Variants in RUFY2 observed in about 807,000 individuals in gnomAD.
RUFY2 encodes RUN and FYVE domain-containing protein 2.
Under a neutral mutation model 94.4 loss-of-function variants are expected in RUFY2, and 49 were observed. The observed-to-expected ratio is 0.52, with a 90% confidence interval of 0.41 to 0.66. The LOEUF (loss-of-function observed/expected upper bound fraction) is 0.66, where lower values mean the gene tolerates loss of function less well. Ranked by LOEUF, RUFY2 falls within the 30% of genes least tolerant of loss-of-function variation. RUFY2 has a pLI of 0.00. For missense variants in RUFY2, 541 were observed against 692.8 expected (o/e 0.78, Z 2.46); for synonymous variants, 255 against 235.7 (o/e 1.08, Z -0.75).
intron 15 of RUFY2, among the ~76,000 whole-genome samples, chr10:68,356,335 A>G (rs2047054036): frequency 1.3e-5 from 2 of 151,824 alleles, no homozygotes; most frequent in Non-Finnish European, 2.9e-5. Context: ...GTGAAACCCC[A>G]TCTCTACTAA....
chr10:68,393,058 A>G lies in RUFY2; in HGVS notation c.650+80T>C, dbSNP rs1207773585. 7.9e-6 allele frequency: 5 copies of G among 631,410 alleles called. No individual in the cohort carries two copies. In the Admixed American group the frequency reaches 1.8e-4, roughly 22 times the overall value. The allele number at this position is 631,410 out of a possible 1,614,324, so 39.1% of individuals were successfully genotyped here. A position where few individuals can be genotyped will look rare whatever the true frequency, so the allele number is the denominator to read the frequency against. ...CCCTTCTCAAAGACTCTTAGAAGAAAGGAATACGGTAAGCTGAAGGGAAAA... is the reference window on the plus strand; with the variant it reads ...CCCTTCTCAAAGACTCTTAGAAGAAGGGAATACGGTAAGCTGAAGGGAAAA... On this transcript the variant is annotated intron_variant, in intron 7 of 17. Coordinates refer to ENST00000602465, the MANE Select transcript of RUFY2 (RefSeq NM_001330103.2).
At chr10:68,389,794 C>CA (rs138643775) in intron 7 of RUFY2, among the ~76,000 whole-genome samples, 5,483 of 142,010 alleles carry the variant, frequency 0.039, 302 homozygotes, top group African/African-American at 0.13. Context: ...GCTCTCGTCT[C>CA]AAAAAAAAAA....
At chr10:68,387,864 G>A (rs1312391149) in intron 7 of RUFY2, among the ~76,000 whole-genome samples, 2 of 152,034 alleles carry the variant, frequency 1.3e-5, no homozygotes, top group South Asian at 2.1e-4. Context: ...TTAGCTGGGC[G>A]TGGTGGCACA....
At chr10:68,391,203 TG>T (rs1363153473) in intron 7 of RUFY2, among the ~76,000 whole-genome samples, 3 of 152,164 alleles carry the variant, frequency 2.0e-5, no homozygotes, top group African/African-American at 7.2e-5. Context: ...CCCAAAGTGC[TG>T]GGATTACAGG....
At chr10:68,393,458 T>C (rs2050151106) in intron 6 of RUFY2, among the ~76,000 whole-genome samples, 1 of 152,154 alleles carries the variant, frequency 6.6e-6, no homozygotes, top group Non-Finnish European at 1.5e-5. Context: ...CCGGGCACAG[T>C]GGCTCATTCC....
At chr10:68,384,304 G>C in intron 8 of RUFY2, 152 bp from the exon 9 acceptor site, 1 of 1,008,920 alleles carries the variant, frequency 9.9e-7, no homozygotes, top group Non-Finnish European at 1.4e-6. Flanking sequence ...AGGAAAACAC[G>C]CTCGTTATTA....
At chr10:68,403,684 A>G (rs2051039874) in intron 2 of RUFY2, among the ~76,000 whole-genome samples, 1 of 152,238 alleles carries the variant, frequency 6.6e-6, no homozygotes, top group African/African-American at 2.4e-5. Context: ...AGAAAAAGAA[A>G]TGAGTATGCT....
chr10:68,348,700 C>A (rs980930138), intron 16 of RUFY2, among the ~76,000 whole-genome samples: 1 of 152,072 alleles, frequency 6.6e-6, no homozygotes, highest in Non-Finnish European at 1.5e-5. Flanking sequence ...TTGGAGACTT[C>A]TTTTCATTGA....
At chr10:68,400,382 G>A (rs546951867) in intron 3 of RUFY2, among the ~76,000 whole-genome samples, 1 of 151,944 alleles carries the variant, frequency 6.6e-6, no homozygotes, top group African/African-American at 2.4e-5. Flanking sequence ...ACACTCTAAA[G>A]AATATAAGAA....
At chr10:68,347,444 C>T (rs2046366042) in intron 16 of RUFY2, among the ~76,000 whole-genome samples, 1 of 151,878 alleles carries the variant, frequency 6.6e-6, no homozygotes, top group African/African-American at 2.4e-5. Flanking sequence ...CCACCATGCC[C>T]GGCTAATTTT....
At chr10:68,349,499 C>T (rs114528871) in intron 16 of RUFY2, among the ~76,000 whole-genome samples, 2,942 of 151,794 alleles carry the variant, frequency 0.019, 99 homozygotes, top group African/African-American at 0.068. Context: ...CTGGCCTGGA[C>T]AACAGAGACA....
At chr10:68,396,982 A>G (rs973248724) in intron 3 of RUFY2, 101 bp from the exon 4 acceptor site, 3 of 736,864 alleles carry the variant, frequency 4.1e-6, no homozygotes, top group African/African-American at 1.8e-5. Flanking sequence ...GCATTTTTAT[A>G]ATGGTTTTGT....
At chr10:68,355,330 CT>C (rs1425519374) in intron 16 of RUFY2, 22 bp downstream of exon 16, 2 of 1,584,256 alleles carry the variant, frequency 1.3e-6, no homozygotes, top group Admixed American at 1.7e-5. Context: ...TACCTTCCCA[CT>C]TTAGGAAAAC....
rs112285953 is a variant in RUFY2 at position 68,368,014 on chromosome 10, G to A, written c.1326-3901C>T. ...GGAGTCTCGCTCTGTCGCCCAGGCTGGAGTGAAGTGGCGTGACCTCAGCGC... is the reference window on the plus strand; with the variant it reads ...GGAGTCTCGCTCTGTCGCCCAGGCTAGAGTGAAGTGGCGTGACCTCAGCGC... On this transcript the variant is annotated intron_variant, in intron 13 of 17. Transcript: ENST00000602465. Among the ~76,000 whole-genome samples, 1,198 of 149,526 alleles carry A rather than the reference G, an allele frequency of 8.0e-3. 12 individuals are homozygous for A. Among genetic ancestry groups the A allele is most frequent in the African/African-American group, 0.028 (1,142 of 40,670 alleles).
Position 68,396,815 on chromosome 10 carries a change from G to A in RUFY2, c.363C>T (p.Tyr121=). 1 of 1,613,870 alleles carries A rather than the reference G, an allele frequency of 6.2e-7. No homozygotes were observed. The highest frequency in any genetic ancestry group is 8.5e-7 in the Non-Finnish European group (1 of 1,179,796). The change falls in exon 4 of 18, where the codon TAC becomes TAT. Residue 121 remains tyrosine (Y), a synonymous_variant. Transcript: ENST00000602465. ...CCCTCTGAATAATTAAGCAACGTAAGTAATCGGCCATTTTTTTTTGCATGA... is the reference window on the plus strand; with the variant it reads ...CCCTCTGAATAATTAAGCAACGTAAATAATCGGCCATTTTTTTTTGCATGA... ...LALMQKKMAD[Y]LRCLIIQRDL...
At chr10:68,347,223 G>A (rs1413301331) in intron 16 of RUFY2, among the ~76,000 whole-genome samples, 3 of 149,240 alleles carry the variant, frequency 2.0e-5, no homozygotes, top group African/African-American at 4.9e-5. Context: ...CTATGTAAAC[G>A]TTAGTAAAAA....
At position 68,345,815 on chromosome 10, in the gene RUFY2, A is replaced by G; in HGVS notation, c.1774T>C (p.Ser592Pro). ...SSPKPVRVCD[S>P]CHALLIQRCS... The stretch of plus-strand genomic sequence containing the variant: ...CTCTGAATGAGCAGTGCATGACAGG[A>G]ATCACAAACCCGTACTGGTTTTGGT... The change falls in exon 18 of 18, where the codon TCC becomes CCC. Residue 592 changes from serine to proline, a missense_variant. By Grantham distance (74) the Ser-to-Pro change is moderately conservative. This residue lies in a region of RUFY2 where 403 missense variants were observed against 480.7 expected (regional missense o/e 0.84). Transcript: ENST00000602465. The G allele has an allele frequency of 6.2e-7, 1 of 1,613,966 alleles. No individual in the cohort carries two copies. The highest frequency in any genetic ancestry group is 8.5e-7 in the Non-Finnish European group (1 of 1,179,848).
At chr10:68,368,944 C>T (rs950933097) in intron 13 of RUFY2, among the ~76,000 whole-genome samples, 4 of 152,086 alleles carry the variant, frequency 2.6e-5, no homozygotes, top group South Asian at 2.1e-4. Context: ...GCAAAACACC[C>T]GAGAAAAAAC....
intron 7 of RUFY2, among the ~76,000 whole-genome samples, chr10:68,388,194 G>C (rs908992389): frequency 6.6e-6 from 1 of 151,924 alleles, no homozygotes; most frequent in Non-Finnish European, 1.5e-5. Flanking sequence ...GGCCAGGCAC[G>C]GTGGCTCCAC....
Sources: allele counts gnomAD v4.1 joint callset (sites outside exome capture counted in the v4.1 genomes callset), GRCh38; gene constraint gnomAD v4.1.1; regional missense constraint gnomAD v4.1.1; transcripts MANE v1.5; gene names NCBI Gene and HGNC (gene_info 2026-07-23, HGNC 2026-07-21).